Variants in ASIC2 observed in about 807,000 individuals in gnomAD.
ASIC2 encodes the protein acid-sensing ion channel 2.
In ASIC2, 25 loss-of-function variants were observed where a neutral mutation model predicts 57.3. The ratio of observed to expected loss-of-function variants is 0.44; its 90% CI spans 0.32 to 0.61. The LOEUF (loss-of-function observed/expected upper bound fraction) is 0.61. Among genes scored for constraint, ASIC2 ranks in the 20% least tolerant of loss-of-function variants. ASIC2 has a pLI of 0.06. For synonymous variants in ASIC2, 319 were observed against 307.5 expected, an observed-to-expected ratio of 1.04 and a Z score of -0.39; for missense variants, 641 against 738.1, an observed-to-expected ratio of 0.87 and a Z score of 1.52.
intron 2 of ASIC2, among the ~76,000 whole-genome samples, chr17:33,106,362 G>A (rs1229791520): frequency 2.6e-5 from 4 of 152,172 alleles, no homozygotes; most frequent in Non-Finnish European, 5.9e-5. Context: ...AGGATTTGGG[G>A]AAATCAGGGC....
intron 1 of ASIC2, among the ~76,000 whole-genome samples, chr17:33,266,321 G>A (rs968110413): frequency 6.6e-6 from 1 of 152,124 alleles, no homozygotes. Context: ...AGCACCAAGA[G>A]CAATGCCTGA....
chr17:33,722,630 G>A (rs1247749599), intron 1 of ASIC2, among the ~76,000 whole-genome samples: 1 of 151,970 alleles, frequency 6.6e-6, no homozygotes, highest in African/African-American at 2.4e-5. Flanking sequence ...AATTAGCCAG[G>A]CCTGGTGGCA....
At chr17:33,567,457 G>A (rs185460887) in intron 1 of ASIC2, among the ~76,000 whole-genome samples, 1 of 152,346 alleles carries the variant, frequency 6.6e-6, no homozygotes, top group African/African-American at 2.4e-5. Flanking sequence ...TTCCAGGGAA[G>A]GGTATGAGAG....
chr17:33,575,744 G>T (rs1211826685), intron 1 of ASIC2, among the ~76,000 whole-genome samples: 1 of 152,192 alleles, frequency 6.6e-6, no homozygotes, highest in Non-Finnish European at 1.5e-5. Context: ...AAACAAGTGA[G>T]TCAAGCTGCT....
intron 1 of ASIC2, among the ~76,000 whole-genome samples, chr17:34,011,381 A>T (rs1906753248): frequency 6.6e-6 from 1 of 151,900 alleles, no homozygotes; most frequent in South Asian, 2.1e-4. Flanking sequence ...CAAGGGCTAC[A>T]CTCTATTTTG....
intron 3 of ASIC2, among the ~76,000 whole-genome samples, chr17:33,031,060 T>C (rs1049082144): frequency 6.6e-6 from 1 of 152,194 alleles, no homozygotes; most frequent in Non-Finnish European, 1.5e-5. Context: ...TTCTCAATTT[T>C]TTGAATTTGT....
chr17:33,169,666 C>T (rs1200626399), intron 1 of ASIC2, among the ~76,000 whole-genome samples: 1 of 152,204 alleles, frequency 6.6e-6, no homozygotes, highest in Non-Finnish European at 1.5e-5. Flanking sequence ...TCCCTAGCGT[C>T]TCTTGCAGTG....
chr17:33,549,396 C>T (rs1281086708), intron 1 of ASIC2, among the ~76,000 whole-genome samples: 2 of 152,104 alleles, frequency 1.3e-5, no homozygotes, highest in Non-Finnish European at 2.9e-5. Context: ...TGCAAGTCTG[C>T]AATTCTAGGG....
chr17:33,817,253 TGA>T (rs1567724117), intron 1 of ASIC2, among the ~76,000 whole-genome samples: 1 of 152,270 alleles, frequency 6.6e-6, no homozygotes, highest in South Asian at 2.1e-4. Context: ...CCTCATGCTC[TGA>T]GACGTGCTTT....
At chr17:33,341,471 A>AT (rs75248419) in intron 1 of ASIC2, among the ~76,000 whole-genome samples, 6,526 of 152,270 alleles carry the variant, frequency 0.043, 354 homozygotes, top group East Asian at 0.27. Context: ...AGCCACGCTC[A>AT]TTTGTTTAGG....
At chr17:34,020,581 A>G (rs145674026) in intron 1 of ASIC2, among the ~76,000 whole-genome samples, 1 of 152,350 alleles carries the variant, frequency 6.6e-6, no homozygotes, top group East Asian at 1.9e-4. Flanking sequence ...GAGGAACTCA[A>G]TGTACTGTTG....
intron 1 of ASIC2, among the ~76,000 whole-genome samples, chr17:33,666,747 T>C (rs1907487280): frequency 6.6e-6 from 1 of 152,184 alleles, no homozygotes; most frequent in Admixed American, 6.5e-5. Flanking sequence ...ATCCTATCTC[T>C]GCACTGGCCT....
Position 34,156,410 on chromosome 17 carries a change from C to T in ASIC2, c.123G>A (p.Arg41=), listed in dbSNP as rs777409550. 47 of 1,614,196 alleles carry T rather than the reference C, an allele frequency of 2.9e-5. No individual in the cohort carries two copies. Among genetic ancestry groups the T allele is most frequent in the Non-Finnish European group, 3.9e-5 (46 of 1,180,044 alleles). The change falls in exon 1 of 10, where the codon CGG becomes CGA. Residue 41 remains arginine, a synonymous_variant. Transcript: ENST00000359872. This position sits in a 1 kb window ranked among gnomAD's most constrained non-coding sequence, Gnocchi z 4.4. ...CGAAGGCCACTGCCCACAGCACACG[C>T]CGGATGGTCAGCGGCCCATACACGA...
In ASIC2 at chr17:33,698,161, C is replaced by T. The variant is rs562139010; in HGVS notation, c.555+457817G>A. The stretch of plus-strand genomic sequence containing the variant: ...CACGAGGAGTTATAATACCAGCATG[C>T]TATTTAGATATAGTTATTATTATAT... On this transcript the variant is annotated intron_variant, in intron 1 of 9. Transcript: ENST00000359872. Among the ~76,000 whole-genome samples the T allele has an allele frequency of 5.3e-5, 8 of 152,192 alleles. No homozygotes were observed. The South Asian group carries it at 1.7e-3, about 32-fold the overall frequency.
At chr17:33,417,007 T>C (rs750567354) in intron 1 of ASIC2, among the ~76,000 whole-genome samples, 1 of 152,026 alleles carries the variant, frequency 6.6e-6, no homozygotes, top group Non-Finnish European at 1.5e-5. Flanking sequence ...TCCACTTTGT[T>C]AAAGAGAGGA....
intron 1 of ASIC2, among the ~76,000 whole-genome samples, chr17:33,415,335 A>T (rs1203165734): frequency 6.6e-6 from 1 of 152,174 alleles, no homozygotes; most frequent in Non-Finnish European, 1.5e-5. Flanking sequence ...ACTCTAAATT[A>T]TCTCTAGATT....
chr17:34,068,536 C>T (rs529393923), intron 1 of ASIC2, among the ~76,000 whole-genome samples: 22 of 152,248 alleles, frequency 1.4e-4, no homozygotes, highest in African/African-American at 5.1e-4. Flanking sequence ...ACTTTGTGAC[C>T]TTTAGCAAGC....
At chr17:33,208,850 T>C (rs1009068960) in intron 1 of ASIC2, among the ~76,000 whole-genome samples, 1 of 152,122 alleles carries the variant, frequency 6.6e-6, no homozygotes, top group Admixed American at 6.6e-5. Context: ...GCTAAGGAGA[T>C]GACAGTGATG....
chr17:33,342,088 G>T (rs753745300), intron 1 of ASIC2, among the ~76,000 whole-genome samples: 3 of 152,188 alleles, frequency 2.0e-5, no homozygotes, highest in Non-Finnish European at 4.4e-5. Flanking sequence ...AACAAACAGA[G>T]ATCAATTCAC....
Sources: allele counts gnomAD v4.1 joint callset (sites outside exome capture counted in the v4.1 genomes callset), GRCh38; gene constraint gnomAD v4.1.1; non-coding constraint Gnocchi (gnomAD v3.1); transcripts MANE v1.5; gene names NCBI Gene and HGNC (gene_info 2026-07-23, HGNC 2026-07-21).